The following EPB41L3 variants were observed in gnomAD, a reference collection of about 807,000 sequenced individuals.
EPB41L3 encodes erythrocyte membrane protein band 4.1 like 3, also known as band 4.1-like protein 3.
In EPB41L3, 57 loss-of-function variants were observed where a neutral mutation model predicts 127.1. The ratio of observed to expected loss-of-function variants is 0.45; its 90% CI spans 0.36 to 0.56. The LOEUF is 0.56. EPB41L3 is among the 20% of genes least tolerant of loss of function. The pLI, the probability that EPB41L3 is intolerant of heterozygous loss-of-function variation, is 0.00. For synonymous variants in EPB41L3, 572 were observed against 549.5 expected (o/e 1.04, Z -0.57); for missense variants, 1,273 against 1,372.2 (o/e 0.93, Z 1.14).
chr18:5,544,347 A>G (rs778960570), upstream of EPB41L3: 103 of 984,188 alleles, frequency 1.0e-4, 1 homozygote, highest in Admixed American at 6.1e-5. Flanking sequence ...CCCCTGTGAG[A>G]AAGGAGGGAG....
chr18:5,582,716 T>C (rs958788951), intron 3 of EPB41L3, among the ~76,000 whole-genome samples: 12 of 152,248 alleles, frequency 7.9e-5, no homozygotes, highest in Admixed American at 7.2e-4. Flanking sequence ...AAGTGACTTA[T>C]TGATTCTACA....
At position 5,397,294 on chromosome 18, in the gene EPB41L3, C is replaced by T. The variant is rs147480786; in HGVS notation, c.2605G>A (p.Asp869Asn). The T allele has an allele frequency of 6.2e-7, 1 of 1,614,038 alleles. No individual in the cohort carries two copies. Among genetic ancestry groups the T allele is most frequent in the South Asian group, 1.1e-5 (1 of 91,080 alleles). The change falls in exon 18 of 23, where the codon GAT becomes AAT. Residue 869 changes from aspartate (D) to asparagine (N), a missense_variant. Asp to Asn is a conservative substitution (Grantham distance 23). This residue lies in a region of EPB41L3 where 765 missense variants were observed against 782.9 expected (regional missense o/e 0.98). Transcript: ENST00000341928. The surrounding 1 kb of genome is among the most constrained non-coding windows in gnomAD (Gnocchi z 4.1). ...EERRVVHASG[D>N]ASYSAGDSGD... ...CTGTCTCCCGCCGAGTAAGAAGCAT[C>T]CCCACTCGCGTGCACCACACGCCGC... is the stretch of plus-strand genomic sequence containing the variant.
chr18:5,615,799 G>C (rs568333572), intron 1 of EPB41L3, among the ~76,000 whole-genome samples: 3 of 152,218 alleles, frequency 2.0e-5, no homozygotes, highest in Admixed American at 6.5e-5. Flanking sequence ...TTTTAACACA[G>C]AGAGAGAAAC....
intron 2 of EPB41L3, among the ~76,000 whole-genome samples, chr18:5,614,002 T>C (rs1461714168): frequency 6.6e-6 from 1 of 152,200 alleles, no homozygotes; most frequent in Non-Finnish European, 1.5e-5. Flanking sequence ...TGAGGATGTA[T>C]AGAGGTCCTG....
chr18:5,395,713 G>A lies in EPB41L3; in HGVS notation c.2974-6C>T, dbSNP rs2073291711. 6.2e-7 allele frequency: 1 copy of A among 1,612,858 alleles called. No homozygotes were observed. The highest frequency in any genetic ancestry group is 8.5e-7 in the Non-Finnish European group (1 of 1,178,974). On this transcript the variant is annotated splice_polypyrimidine_tract_variant and splice_region_variant and intron_variant, in intron 19 of 22. Coordinates refer to ENST00000341928, the MANE Select transcript of EPB41L3 (RefSeq NM_012307.5). The stretch of plus-strand genomic sequence containing the variant: ...AGATCTGTGCCTGGATCGACCTAAA[G>A]CAGCAGAGGCATAGACCCCTCATCC...
intron 3 of EPB41L3, among the ~76,000 whole-genome samples, chr18:5,477,082 C>A (rs1386441918): frequency 6.6e-6 from 1 of 152,148 alleles, no homozygotes; most frequent in Non-Finnish European, 1.5e-5. Flanking sequence ...CTCTCATCCC[C>A]ATCCTAAATG....
At chr18:5,473,858 A>C (rs4798364) in intron 3 of EPB41L3, among the ~76,000 whole-genome samples, 107,029 of 151,882 alleles carry the variant, frequency 0.7, 37,869 homozygotes, top group East Asian at 0.8. Flanking sequence ...ATTTCTCAAA[A>C]ATATATATCA....
intron 16 of EPB41L3, chr18:5,400,169 T>C (rs2074271778): frequency 6.2e-6 from 1 of 160,412 alleles, no homozygotes; most frequent in African/African-American, 2.4e-5. Context: ...TGAAGTTCAC[T>C]GTCTCAGGAG....
At chr18:5,499,628 G>T (rs745593449) in intron 1 of EPB41L3, among the ~76,000 whole-genome samples, 1 of 151,750 alleles carries the variant, frequency 6.6e-6, no homozygotes, top group African/African-American at 2.4e-5. Flanking sequence ...TTAGCCGGGC[G>T]TGGTGGCGGG....
Position 5,478,385 on chromosome 18 carries a change from A to G in EPB41L3, c.237T>C (p.Tyr79=), listed in dbSNP as rs1166823871. The change falls in exon 3 of 23, where the codon TAT becomes TAC. Residue 79 remains tyrosine, a synonymous_variant. Coordinates refer to ENST00000341928, the MANE Select transcript of EPB41L3 (RefSeq NM_012307.5). ...FAARAAKQLE[Y]QQLEDDKLSQ... ...AAAGTTTATCGTCTTCTAATTGCTG[A>G]TATTCGAGCTGTTTTGCAGCCCTGG... The G allele has an allele frequency of 1.2e-6, 2 of 1,614,000 alleles. No individual in the cohort carries two copies. Among genetic ancestry groups the G allele is most frequent in the African/African-American group, 2.7e-5 (2 of 74,890 alleles).
At chr18:5,588,963 AT>A (rs1475119246) in intron 3 of EPB41L3, among the ~76,000 whole-genome samples, 1 of 151,762 alleles carries the variant, frequency 6.6e-6, no homozygotes, top group Non-Finnish European at 1.5e-5. Flanking sequence ...TAAAAAAAAA[AT>A]GATTACTCTG....
intron 8 of EPB41L3, chr18:5,431,272 T>C (rs1339780424): frequency 1.3e-5 from 2 of 152,334 alleles, no homozygotes; most frequent in East Asian, 1.9e-4. Flanking sequence ...TTTAAATGGA[T>C]TGTAAAGCTC....
At chr18:5,593,869 G>C (rs542378460) in intron 3 of EPB41L3, among the ~76,000 whole-genome samples, 27 of 152,310 alleles carry the variant, frequency 1.8e-4, no homozygotes, top group African/African-American at 6.3e-4. Context: ...GAGAAATATG[G>C]CTCTGTTCCG....
At chr18:5,443,743 T>A (rs1187033067) in intron 5 of EPB41L3, 95 bp downstream of exon 5, 2 of 920,680 alleles carry the variant, frequency 2.2e-6, no homozygotes, top group African/African-American at 3.3e-5. Context: ...AAAGCTTGTA[T>A]TCACACTAGC....
chr18:5,607,954 G>A (rs2094680679), intron 3 of EPB41L3, among the ~76,000 whole-genome samples: 1 of 152,128 alleles, frequency 6.6e-6, no homozygotes, highest in Admixed American at 6.6e-5. Flanking sequence ...TGTGTCTGGT[G>A]AAAATATTTC....
At chr18:5,515,017 G>C (rs2092695252) in intron 1 of EPB41L3, among the ~76,000 whole-genome samples, 1 of 152,166 alleles carries the variant, frequency 6.6e-6, no homozygotes, top group African/African-American at 2.4e-5. Flanking sequence ...TCAGTGACTG[G>C]CCATCTATCT....
intron 2 of EPB41L3, among the ~76,000 whole-genome samples, chr18:5,487,261 G>A (rs1022363098): frequency 6.6e-6 from 1 of 152,080 alleles, no homozygotes; most frequent in African/African-American, 2.4e-5. Flanking sequence ...TCACTCATAT[G>A]TGGGGGCTAA....
intron 3 of EPB41L3, among the ~76,000 whole-genome samples, chr18:5,603,920 A>G (rs182119857): frequency 1.6e-4 from 25 of 152,252 alleles, no homozygotes; most frequent in Admixed American, 1.0e-3. Context: ...TAAGAAAAGT[A>G]AAAGTTAACA....
At chr18:5,568,444 A>T (rs1568586554) in intron 3 of EPB41L3, among the ~76,000 whole-genome samples, 1 of 151,446 alleles carries the variant, frequency 6.6e-6, no homozygotes, top group Non-Finnish European at 1.5e-5. Flanking sequence ...AAAAAAAAAA[A>T]AAAAGTATGA....
Sources: allele counts gnomAD v4.1 joint callset (sites outside exome capture counted in the v4.1 genomes callset), GRCh38; gene constraint gnomAD v4.1.1; regional missense constraint gnomAD v4.1.1; non-coding constraint Gnocchi (gnomAD v3.1); transcripts MANE v1.5; gene names NCBI Gene and HGNC (gene_info 2026-07-23, HGNC 2026-07-21).